The following COL5A3 variants were observed in gnomAD, a reference collection of about 807,000 sequenced individuals.
COL5A3 encodes the protein collagen alpha-3(V) chain.
In COL5A3, 172 loss-of-function variants were observed where a neutral mutation model predicts 250.0. The observed-to-expected ratio is 0.69, with a 90% CI of 0.61 to 0.78. The LOEUF is 0.78. Ranked by LOEUF, COL5A3 falls within the 30% of genes least tolerant of loss-of-function variation. The pLI is 0.00. For missense variants in COL5A3, 2,340 were observed against 2,334.4 expected (o/e 1.00, Z -0.05); for synonymous variants, 937 against 900.4 (o/e 1.04, Z -0.73).
At chr19:9,986,010 G>A (rs1862473) in intron 30 of COL5A3, 115 bp from the exon 31 acceptor site, 518,301 of 915,164 alleles carry the variant, frequency 0.57, 151,828 homozygotes, top group African/African-American at 0.91. Flanking sequence ...TTGGGGAAAC[G>A]AGGTTCAAGT....
rs1267006845 is a variant in COL5A3, at chr19:9,978,931, A to G, written c.2924T>C (p.Leu975Pro). The stretch of plus-strand genomic sequence containing the variant: ...CCCTTTGGGGCCGGGAAAGCCCCTG[A>G]GTCCAGCTGGCCCTTCTTTCCCAAG... ...GPLGKEGPAGLRGFPGPKGGP... is the reference protein window; with the variant it reads ...GPLGKEGPAGPRGFPGPKGGP... Residue 975 changes from leucine (L) to proline (P), a missense_variant, in exon 40 of 67, where the codon CTC becomes CCC. Transcript: ENST00000264828. 8 of 1,519,472 alleles carry G rather than the reference A, an allele frequency of 5.3e-6. No homozygotes were observed. The highest frequency in any genetic ancestry group is 2.3e-5 in the Admixed American group (1 of 42,726). 94.1% of individuals were successfully genotyped at this position (1,519,472 alleles called of 1,614,324 possible).
rs765595226 is a variant in COL5A3, at chr19:9,960,540, C to G, written c.5109G>C (p.Thr1703=). The G allele has an allele frequency of 2.5e-6, 4 of 1,614,076 alleles. No homozygotes were observed. The highest frequency in any genetic ancestry group is 3.4e-6 in the Non-Finnish European group (4 of 1,180,048). The change falls in exon 67 of 67, where the codon ACG becomes ACC. Residue 1703 remains threonine, a synonymous_variant. Transcript: ENST00000264828. ...QDGCRLRKGQ[T]KTLFEFSSSR... ...AAGAGCTGAATTCGAAAAGGGTCTTCGTCTGTCCTTTCCGGAGCTGTCCCC... is the reference window on the plus strand; with the variant it reads ...AAGAGCTGAATTCGAAAAGGGTCTTGGTCTGTCCTTTCCGGAGCTGTCCCC...
chr19:9,985,103 T>C (rs774353720), intron 31 of COL5A3, among the ~76,000 whole-genome samples: 15 of 151,194 alleles, frequency 9.9e-5, no homozygotes, highest in South Asian at 2.1e-4. Context: ...TGCATGCTAC[T>C]ATGCCCAGCT....
intron 16 of COL5A3, 142 bp downstream of exon 16, chr19:9,995,422 A>T: frequency 1.6e-6 from 1 of 606,438 alleles, no homozygotes; most frequent in South Asian, 3.5e-5. Flanking sequence ...TTTGACACAC[A>T]CTCAGTGGAG....
intron 51 of COL5A3, among the ~76,000 whole-genome samples, chr19:9,971,934 A>G (rs1485285831): frequency 6.6e-6 from 1 of 150,744 alleles, no homozygotes; most frequent in Non-Finnish European, 1.5e-5. Context: ...CCATTCAATG[A>G]TGTATAACCA....
Position 9,997,538 on chromosome 19 carries a change from C to T in COL5A3, c.1201-105G>A, listed in dbSNP as rs1487542076. ...ACCTCAGGCTGACCTCCCTACCCCA[C>T]TACAGAGCCACTCCAACTCCCCTAA... On this transcript the variant is annotated intron_variant, in intron 10 of 66. Transcript: ENST00000264828. 7 of 683,468 alleles carry T rather than the reference C, an allele frequency of 1.0e-5. No homozygotes were observed. In the East Asian group the frequency reaches 1.6e-4, roughly 16 times the overall value. 42.3% of individuals were successfully genotyped at this position (683,468 alleles called of 1,614,324 possible). A position where few individuals can be genotyped will look rare whatever the true frequency, so the allele number is the denominator to read the frequency against.
intron 48 of COL5A3, 44 bp from the exon 49 acceptor site, chr19:9,973,853 A>G (rs1457262079): frequency 6.2e-7 from 1 of 1,610,522 alleles, no homozygotes; most frequent in East Asian, 2.2e-5. Flanking sequence ...TGGAATCCCA[A>G]CATCCTCTTC....
At chr19:9,997,231 CAG>C (rs1308945409) in intron 11 of COL5A3, 138 bp downstream of exon 11, 4 of 710,936 alleles carry the variant, frequency 5.6e-6, no homozygotes, top group Admixed American at 4.3e-5. Flanking sequence ...AGATGGGAGA[CAG>C]AGAACAGAAG....
chr19:9,970,454 T>TCTGTGGGGTGAGGGGGGG (rs1568407933), intron 54 of COL5A3, among the ~76,000 whole-genome samples, 168 bp downstream of exon 54: 1 of 22,230 alleles, frequency 4.5e-5, no homozygotes, highest in Non-Finnish European at 8.0e-5. Context: ...GTGAGTGGGG[T>TCTGTGGGGTGAGGGGGGG]CTGTGGGTGT....
intron 65 of COL5A3, among the ~76,000 whole-genome samples, chr19:9,962,610 C>G (rs113708754): frequency 0.013 from 1,956 of 152,250 alleles, 33 homozygotes; most frequent in African/African-American, 0.045. Context: ...CCCTGTGCTT[C>G]CCCTATCCTG....
intron 65 of COL5A3, 138 bp from the exon 66 acceptor site, chr19:9,961,028 A>C (rs1599521409): frequency 6.0e-6 from 6 of 1,007,922 alleles, no homozygotes; most frequent in Non-Finnish European, 8.7e-6. Context: ...CCCACCAGCC[A>C]CCTAGAGATC....
In COL5A3 at chr19:9,968,162, C is replaced by G; in HGVS notation, c.4315-83G>C. On this transcript the variant is annotated intron_variant, in intron 59 of 66. Coordinates refer to ENST00000264828, the MANE Select transcript of COL5A3 (RefSeq NM_015719.4). This position sits in a 1 kb window ranked among gnomAD's most constrained non-coding sequence, Gnocchi z 4.1. ...CCCCCAGACAAGCCTTCAATCCTAC[C>G]AAAGGAAGACCCCGAACCCTAGACA... 1 of 1,364,676 alleles carries G rather than the reference C, an allele frequency of 7.3e-7. No individual in the cohort carries two copies. The allele number at this position is 1,364,676 out of a possible 1,614,324, so 84.5% of individuals were successfully genotyped here.
intron 31 of COL5A3, among the ~76,000 whole-genome samples, chr19:9,983,820 T>C (rs1159158861): frequency 6.7e-6 from 1 of 148,294 alleles, no homozygotes; most frequent in African/African-American, 2.5e-5. Context: ...CCATCAAAAC[T>C]AAGCTTCAAA....
rs757897284 is a variant in COL5A3, at chr19:10,006,042, G to A, written c.247+31C>T. 3 of 1,611,836 alleles carry A rather than the reference G, an allele frequency of 1.9e-6. No homozygotes were observed. The South Asian group carries it at 3.3e-5, about 18-fold the overall frequency. On this transcript the variant is annotated intron_variant, in intron 2 of 66. Transcript: ENST00000264828. Reference sequence around the variant, plus strand: ...AGGGCCCAGCAGTGCCTCCCTCCGGGGAGGTACCCAGGCCTCCTACTCCAA... The same window carrying A: ...AGGGCCCAGCAGTGCCTCCCTCCGGAGAGGTACCCAGGCCTCCTACTCCAA...
chr19:10,003,011 C>T (rs1166808650), intron 6 of COL5A3, among the ~76,000 whole-genome samples: 1 of 152,122 alleles, frequency 6.6e-6, no homozygotes, highest in Non-Finnish European at 1.5e-5. Flanking sequence ...ACTGTGATCC[C>T]CAGCTAGGTG....
In COL5A3 at chr19:9,992,684, T is replaced by C; in HGVS notation, c.1848+143A>G. Reference sequence around the variant, plus strand: ...CCCAGCTACTCAGGAGGCTGAAGCATGAGAATCACCTGAACCCAGGAGCCG... The same window carrying C: ...CCCAGCTACTCAGGAGGCTGAAGCACGAGAATCACCTGAACCCAGGAGCCG... On this transcript the variant is annotated intron_variant, in intron 21 of 66. Transcript: ENST00000264828. 4.0e-6 allele frequency: 3 copies of C among 758,478 alleles called. No homozygotes were observed. In the South Asian group the frequency reaches 5.1e-5, roughly 13 times the overall value. 47.0% of individuals were successfully genotyped at this position (758,478 alleles called of 1,614,324 possible).
rs201398868 is a variant in COL5A3, at chr19:9,973,762, A to G, written c.3606T>C (p.Gly1202=). The change falls in exon 49 of 67, where the codon GGT becomes GGC. Residue 1202 remains glycine, a synonymous_variant. Coordinates refer to ENST00000264828, the MANE Select transcript of COL5A3 (RefSeq NM_015719.4). ...CCTGCCTTCCCTCACTCACCTTCTC[A>G]CCCACGGCGCCTGGCTGACCAACTC... The part of the protein sequence containing the change: ...PGGVGQPGAV[G]EKGERGDAGD... The G allele has an allele frequency of 1.7e-5, 27 of 1,613,708 alleles. No individual in the cohort carries two copies. In the East Asian group the frequency reaches 5.8e-4, roughly 35 times the overall value.
At position 9,970,996 on chromosome 19, in the gene COL5A3, G is replaced by T. The variant is rs2086837828; in HGVS notation, c.3861C>A (p.Asp1287Glu). The T allele has an allele frequency of 1.3e-6, 2 of 1,559,834 alleles. No homozygotes were observed. The highest frequency in any genetic ancestry group is 2.5e-5 in the South Asian group (2 of 81,504). ...TCACCGGTCCCCCAACATCACCAGG[G>T]TCTCCCTTCTCCCCTGGGGAACCAT... ...GIDGSPGEKG[D>E]PGDVGGPGPP... The change falls in exon 53 of 67, where the codon GAC (aspartate) becomes GAA (glutamate). Residue 1287 changes from aspartate (D) to glutamate (E), a missense_variant. Asp to Glu is a conservative substitution (Grantham distance 45). Transcript: ENST00000264828.
At chr19:9,974,457 G>T in intron 45 of COL5A3, 49 bp from the exon 46 acceptor site, 1 of 1,415,294 alleles carries the variant, frequency 7.1e-7, no homozygotes, top group Non-Finnish European at 9.6e-7. Context: ...TCAGTGATTA[G>T]GGCAGAGTGA....
Sources: allele counts gnomAD v4.1 joint callset (sites outside exome capture counted in the v4.1 genomes callset), GRCh38; gene constraint gnomAD v4.1.1; non-coding constraint Gnocchi (gnomAD v3.1); transcripts MANE v1.5; gene names NCBI Gene and HGNC (gene_info 2026-07-23, HGNC 2026-07-21).